Variants in GATB observed in about 807,000 individuals in gnomAD.
GATB encodes glutamyl-tRNA amidotransferase subunit B, also known as glutamyl-tRNA(Gln) amidotransferase subunit B, mitochondrial.
In GATB, 39 loss-of-function variants were observed where a neutral mutation model predicts 62.3. The ratio of observed to expected loss-of-function variants is 0.63; its 90% CI spans 0.48 to 0.82. GATB has a LOEUF of 0.82. Ranked by LOEUF, GATB falls within the 40% of genes least tolerant of loss-of-function variation. The pLI is 0.00. For missense variants in GATB, 670 were observed against 684.0 expected (o/e 0.98, Z 0.23); for synonymous variants, 276 against 258.9 (o/e 1.07, Z -0.63).
chr4:151,748,010 AAG>A (rs1231110773), intron 2 of GATB, among the ~76,000 whole-genome samples: 1 of 152,210 alleles, frequency 6.6e-6, no homozygotes, highest in Non-Finnish European at 1.5e-5. Flanking sequence ...AATGAAATAA[AAG>A]AGGACATAAA....
chr4:151,728,644 C>T (rs1469448533), intron 2 of GATB, among the ~76,000 whole-genome samples: 1 of 152,200 alleles, frequency 6.6e-6, no homozygotes, highest in East Asian at 1.9e-4. Context: ...AGAGACTCTA[C>T]ACCTGGAGAG....
intron 2 of GATB, among the ~76,000 whole-genome samples, chr4:151,726,954 T>A (rs1739149456): frequency 6.6e-6 from 1 of 152,186 alleles, no homozygotes; most frequent in Non-Finnish European, 1.5e-5. Context: ...TCTTACTCTG[T>A]CGTCCAGGTT....
At position 151,697,967 on chromosome 4, in the gene GATB, A is replaced by ATATATATATATATATATGTG. The variant is rs1560847754; in HGVS notation, c.1197+3361_1197+3362insCACATATATATATATATATA. Among the ~76,000 whole-genome samples the ATATATATATATATATATGTG allele has an allele frequency of 3.1e-3, 319 of 101,778 alleles. 13 individuals are homozygous for ATATATATATATATATATGTG. The highest frequency in any genetic ancestry group is 0.012 in the African/African-American group (236 of 19,072). The allele number at this position is 101,778 out of a possible 152,430, so 66.8% of individuals were successfully genotyped here. A position where few individuals can be genotyped will look rare whatever the true frequency, so the allele number is the denominator to read the frequency against. Reference sequence around the variant, plus strand: ...TGTGTGTGTGTGTATATATATATATATATATATATATATATATATATATAT... The same window carrying ATATATATATATATATATGTG: ...TGTGTGTGTGTGTATATATATATATATATATATATATATATATGTGTATATATATATATATATATATATAT... On this transcript the variant is annotated intron_variant, in intron 9 of 12. Coordinates refer to ENST00000263985, the MANE Select transcript of GATB (RefSeq NM_004564.3).
chr4:151,737,355 T>C (rs1378261379), intron 2 of GATB, among the ~76,000 whole-genome samples: 1 of 152,092 alleles, frequency 6.6e-6, no homozygotes, highest in Non-Finnish European at 1.5e-5. Context: ...ACTTTGAACT[T>C]GAGAGAGATG....
At chr4:151,742,094 T>G (rs1217132293) in intron 2 of GATB, among the ~76,000 whole-genome samples, 2 of 150,922 alleles carry the variant, frequency 1.3e-5, no homozygotes, top group Non-Finnish European at 3.0e-5. Flanking sequence ...GATATGGTTT[T>G]TTTTTTTTTT....
rs145195705 is a variant in GATB at position 151,712,780 on chromosome 4, A to C, written c.763+3229T>G. Reference sequence around the variant, plus strand: ...ATGTATCCAGCACAGGCTGTTTTCGAGGCCCTGTCCTAAGTTTTCTAGACA... The same window carrying C: ...ATGTATCCAGCACAGGCTGTTTTCGCGGCCCTGTCCTAAGTTTTCTAGACA... On this transcript the variant is annotated intron_variant, in intron 5 of 12. Coordinates refer to ENST00000263985, the MANE Select transcript of GATB (RefSeq NM_004564.3). 5.3e-5 allele frequency among the ~76,000 whole-genome samples: 8 copies of C among 152,326 alleles called. No homozygotes were observed. In the East Asian group the frequency reaches 1.5e-3, roughly 29 times the overall value.
intron 2 of GATB, chr4:151,723,622 A>G (rs1474349799): frequency 6.6e-6 from 1 of 152,192 alleles, no homozygotes; most frequent in African/African-American, 2.4e-5. Context: ...TCTTTTAACT[A>G]CATGAAAGAA....
intron 2 of GATB, among the ~76,000 whole-genome samples, chr4:151,747,806 A>C (rs556283232): frequency 3.0e-4 from 45 of 152,166 alleles, no homozygotes; most frequent in Non-Finnish European, 6.2e-4. Context: ...AGTGAGGGGG[A>C]AACAGAAACA....
rs932287439 is a variant in GATB, at chr4:151,730,465, CA to C, written c.328-10928del. 2.6e-5 allele frequency among the ~76,000 whole-genome samples: 4 copies of C among 152,220 alleles called. No homozygotes were observed. The highest frequency in any genetic ancestry group is 6.5e-5 in the Admixed American group (1 of 15,286). ...CACCACCTCCTGGCAGAAGGCCAAC[CA>C]GCACAAAAATAAAGCATTAAACCAC... On this transcript the variant is annotated intron_variant, in intron 2 of 12. Transcript: ENST00000263985. This position sits in a 1 kb window ranked among gnomAD's most constrained non-coding sequence, Gnocchi z 4.1.
At chr4:151,736,750 G>C (rs1342290153) in intron 2 of GATB, among the ~76,000 whole-genome samples, 43 of 152,278 alleles carry the variant, frequency 2.8e-4, no homozygotes, top group African/African-American at 9.9e-4. Context: ...GACCCGGTGG[G>C]AGGTAATTGA....
chr4:151,735,787 A>G (rs1177374966), intron 2 of GATB, among the ~76,000 whole-genome samples: 1 of 139,532 alleles, frequency 7.2e-6, no homozygotes, highest in Non-Finnish European at 1.5e-5. Context: ...ATAAAAAGAA[A>G]TAAATTAACA....
At chr4:151,679,603 G>A (rs568045887) in intron 11 of GATB, among the ~76,000 whole-genome samples, 1 of 152,312 alleles carries the variant, frequency 6.6e-6, no homozygotes, top group East Asian at 1.9e-4. Context: ...CCAGGTTAGC[G>A]GTGATGACGA....
chr4:151,671,119 C>G lies in GATB; in HGVS notation c.*55G>C. 1.9e-6 allele frequency: 3 copies of G among 1,604,648 alleles called. No homozygotes were observed. The East Asian group carries it at 6.7e-5, about 36-fold the overall frequency. On this transcript the variant is annotated 3_prime_UTR_variant, in exon 13 of 13. Transcript: ENST00000263985. The stretch of plus-strand genomic sequence containing the variant: ...CATCAGCTTTCACAGGATCCTGTTC[C>G]CAGTCAGGCTGCACTGTTTGTTGTT...
At chr4:151,695,883 G>A (rs1029548396) in intron 9 of GATB, among the ~76,000 whole-genome samples, 28 of 151,578 alleles carry the variant, frequency 1.8e-4, no homozygotes, top group Non-Finnish European at 2.9e-4. Flanking sequence ...TCAGCCTCCC[G>A]AGTAGCTGGG....
At chr4:151,754,063 T>C (rs1000852753) in intron 2 of GATB, among the ~76,000 whole-genome samples, 4 of 152,200 alleles carry the variant, frequency 2.6e-5, no homozygotes, top group African/African-American at 9.7e-5. Flanking sequence ...TAGCATCCAA[T>C]GTTCTTGTAC....
At chr4:151,687,702 G>A (rs1490358788) in intron 10 of GATB, among the ~76,000 whole-genome samples, 3 of 152,118 alleles carry the variant, frequency 2.0e-5, no homozygotes, top group African/African-American at 7.2e-5. Flanking sequence ...AGTGGGAATG[G>A]GGATCCTATA....
chr4:151,679,983 G>C, intron 10 of GATB, 92 bp from the exon 11 acceptor site: 1 of 1,153,156 alleles, frequency 8.7e-7, no homozygotes. Context: ...TTGCTCTAGT[G>C]GGGGTAAATA....
At chr4:151,747,125 G>T (rs1739618477) in intron 2 of GATB, among the ~76,000 whole-genome samples, 1 of 152,150 alleles carries the variant, frequency 6.6e-6, no homozygotes, top group South Asian at 2.1e-4. Context: ...CTGCCACATG[G>T]TAAGCACTTG....
At chr4:151,744,908 G>C (rs1578938130) in intron 2 of GATB, among the ~76,000 whole-genome samples, 1 of 152,200 alleles carries the variant, frequency 6.6e-6, no homozygotes, top group East Asian at 1.9e-4. Context: ...AAGCTGAAAA[G>C]GAACATTCCA....
Sources: gnomAD v4.1 joint callset for allele counts (sites outside exome capture counted in the v4.1 genomes callset) on GRCh38, gnomAD v4.1.1 for gene constraint, Gnocchi (gnomAD v3.1) non-coding constraint, MANE v1.5 for transcripts, NCBI Gene and HGNC (gene_info 2026-07-23, HGNC 2026-07-21) for gene names.